RYR2: variants seen among roughly 807,000 people sequenced by gnomAD.
RYR2 encodes cardiac muscle ryanodine receptor-calcium release channel.
Under a neutral mutation model 601.1 loss-of-function variants are expected in RYR2, and 227 were observed. That is an observed-to-expected ratio of 0.38 (90% CI 0.34 to 0.42). RYR2 has a LOEUF of 0.42. RYR2 is among the 10% of genes least tolerant of loss of function. The pLI, the probability that RYR2 is intolerant of heterozygous loss-of-function variation, is 1.00. For synonymous variants in RYR2, 2,223 were observed against 2,175.1 expected (o/e 1.02, Z -0.61); for missense variants, 4,646 against 6,156.5 (o/e 0.75, Z 8.21).
chr1:237,667,954 C>T lies in RYR2; in HGVS notation c.8586C>T (p.Ser2862=). 6.4e-7 allele frequency: 1 copy of T among 1,564,412 alleles called. No homozygotes were observed. Among genetic ancestry groups the T allele is most frequent in the Non-Finnish European group, 8.7e-7 (1 of 1,154,204 alleles). ...AGAAAAAGAAAATGGAGTTGGAGTC[C>T]AAAGGTAATATTTTCTAAAAACGTT... ...WAKKKKMELE[S]KGGGNHPLLV... Residue 2862 remains serine, a synonymous_variant, in exon 58 of 105, where the codon TCC becomes TCT. Transcript: ENST00000366574.
At chr1:237,157,574 T>C in intron 1 of RYR2, among the ~76,000 whole-genome samples, 1 of 152,148 alleles carries the variant, frequency 6.6e-6, no homozygotes, top group East Asian at 1.9e-4. Flanking sequence ...ATGAAATGCT[T>C]TCATTTGCAG....
At chr1:237,795,527 C>A (rs902589377) in intron 96 of RYR2, among the ~76,000 whole-genome samples, 196 bp downstream of exon 96, 9 of 151,876 alleles carry the variant, frequency 5.9e-5, no homozygotes, top group Admixed American at 1.3e-4. Flanking sequence ...TCTCAGCTCA[C>A]TGCAACCTCA....
intron 63 of RYR2, among the ~76,000 whole-genome samples, chr1:237,692,395 G>A (rs1004070887): frequency 1.3e-5 from 2 of 152,138 alleles, no homozygotes; most frequent in Non-Finnish European, 2.9e-5. Flanking sequence ...TGTGTTCCAC[G>A]ATGATCTTAT....
intron 47 of RYR2, among the ~76,000 whole-genome samples, chr1:237,641,513 C>G (rs868423217): frequency 9.9e-5 from 12 of 120,878 alleles, no homozygotes; most frequent in African/African-American, 3.0e-4. Flanking sequence ...TTCTTTCTTT[C>G]TTTCTTTCTT....
intron 102 of RYR2, chr1:237,830,127 T>G (rs1479430788): frequency 2.3e-5 from 4 of 172,762 alleles, no homozygotes; most frequent in African/African-American, 7.2e-5. Flanking sequence ...TCCGACTTTG[T>G]TTGGGTGGGT....
chr1:237,781,804 T>C (rs2243484), intron 89 of RYR2, among the ~76,000 whole-genome samples, 158 bp downstream of exon 89: 110 of 151,486 alleles, frequency 7.3e-4, no homozygotes, highest in African/African-American at 2.6e-3. Context: ...CTCACATTAG[T>C]TTTTTTTTAA....
chr1:237,419,982 G>A (rs1705393461), intron 11 of RYR2, among the ~76,000 whole-genome samples: 1 of 152,118 alleles, frequency 6.6e-6, no homozygotes, highest in Non-Finnish European at 1.5e-5. Context: ...ATTGCCTAAT[G>A]CCAATGTTTA....
rs112859807 is a variant in RYR2, at chr1:237,258,494, G to A, written c.49-12003G>A. ...ACTTATCAAGATAAGGAACTATGGG[G>A]GATGGCAAAATTTGGGGTAATAGAC... On this transcript the variant is annotated intron_variant, in intron 1 of 104. Transcript: ENST00000366574. Among the ~76,000 whole-genome samples, 988 of 152,192 alleles carry A rather than the reference G, an allele frequency of 6.5e-3. 10 individuals carry two copies. The highest frequency in any genetic ancestry group is 0.022 in the African/African-American group (916 of 41,532).
chr1:237,397,435 T>G (rs1702953798), intron 10 of RYR2, among the ~76,000 whole-genome samples: 1 of 152,084 alleles, frequency 6.6e-6, no homozygotes, highest in East Asian at 1.9e-4. Flanking sequence ...TCTAGGGAAG[T>G]AGAAGTTACA....
intron 8 of RYR2, among the ~76,000 whole-genome samples, chr1:237,378,735 T>C (rs1358039594): frequency 4.6e-5 from 7 of 152,258 alleles, no homozygotes; most frequent in African/African-American, 1.4e-4. Context: ...TTTGGGGATG[T>C]TGTAAGTCAG....
At chr1:237,607,598 A>G (rs1677289022) in intron 35 of RYR2, among the ~76,000 whole-genome samples, 1 of 152,244 alleles carries the variant, frequency 6.6e-6, no homozygotes, top group African/African-American at 2.4e-5. Context: ...GGATTTAACA[A>G]TGAATTGGAC....
In RYR2 at chr1:237,720,211, T is replaced by C. The variant is rs532188342; in HGVS notation, c.10554+1690T>C. 1.5e-4 allele frequency among the ~76,000 whole-genome samples: 23 copies of C among 152,312 alleles called. No homozygotes were observed. The South Asian group carries it at 4.6e-3, about 30-fold the overall frequency. On this transcript the variant is annotated intron_variant, in intron 73 of 104. Transcript: ENST00000366574. ...AGCCTGTTGTCTTCTATTCTGGGTG[T>C]CCCTTCTGAGGAATTTTTTTTAATT...
chr1:237,051,739 G>T (rs1389287099), intron 1 of RYR2, among the ~76,000 whole-genome samples: 1 of 152,120 alleles, frequency 6.6e-6, no homozygotes, highest in Non-Finnish European at 1.5e-5. Context: ...TCCCTCAGAG[G>T]TAGCTACCTG....
At position 237,831,577 on chromosome 1, in the gene RYR2, A is replaced by C. The variant is rs886046281; in HGVS notation, c.14808+12A>C. The C allele has an allele frequency of 2.0e-6, 3 of 1,464,750 alleles. No homozygotes were observed. Among genetic ancestry groups the C allele is most frequent in the Middle Eastern group, 1.7e-4 (1 of 5,830 alleles). The allele number at this position is 1,464,750 out of a possible 1,614,324, so 90.7% of individuals were successfully genotyped here. On this transcript the variant is annotated intron_variant, in intron 104 of 104. Coordinates refer to ENST00000366574, the MANE Select transcript of RYR2 (RefSeq NM_001035.3). ...AACACACAGGACAGGTAGGTAAATTATTACATGTCATCTTCTGAAAGAAAT... is the reference window on the plus strand; with the variant it reads ...AACACACAGGACAGGTAGGTAAATTCTTACATGTCATCTTCTGAAAGAAAT...
At chr1:237,634,790 G>T in intron 43 of RYR2, 99 bp from the exon 44 acceptor site, 1 of 825,500 alleles carries the variant, frequency 1.2e-6, no homozygotes, top group Middle Eastern at 3.3e-4. Context: ...ACTATGGATG[G>T]TGTTTAGAAA....
chr1:237,136,275 T>A (rs1287689802), intron 1 of RYR2, among the ~76,000 whole-genome samples: 1 of 152,186 alleles, frequency 6.6e-6, no homozygotes, highest in Admixed American at 6.5e-5. Flanking sequence ...ATAATGCAGG[T>A]CTTCTTGGAA....
chr1:237,297,819 T>C (rs1692939484), intron 2 of RYR2, among the ~76,000 whole-genome samples: 1 of 151,906 alleles, frequency 6.6e-6, no homozygotes. Context: ...AGTGCAATTA[T>C]AGCTCACTGC....
At chr1:237,257,830 A>G (rs1482296716) in intron 1 of RYR2, among the ~76,000 whole-genome samples, 6 of 152,178 alleles carry the variant, frequency 3.9e-5, no homozygotes, top group Non-Finnish European at 7.3e-5. Flanking sequence ...CAGGTTTTGC[A>G]AAGATCTGGA....
At chr1:237,356,308 A>G (rs549192877) in intron 4 of RYR2, among the ~76,000 whole-genome samples, 1 of 152,130 alleles carries the variant, frequency 6.6e-6, no homozygotes, top group East Asian at 1.9e-4. Flanking sequence ...TCTTCTGCAA[A>G]AAAAAACAAA....
Sources: gnomAD v4.1 joint callset for allele counts (sites outside exome capture counted in the v4.1 genomes callset) on GRCh38, gnomAD v4.1.1 for gene constraint, MANE v1.5 for transcripts, NCBI Gene and HGNC (gene_info 2026-07-23, HGNC 2026-07-21) for gene names.